EPHB2: variants seen among roughly 807,000 people sequenced by gnomAD.
EPHB2 encodes the protein EPH receptor B2, also known as ephrin type-B receptor 2.
In EPHB2, 18 loss-of-function variants were observed where a neutral mutation model predicts 96.4. The ratio of observed to expected loss-of-function variants is 0.19; its 90% CI spans 0.13 to 0.28. The LOEUF (loss-of-function observed/expected upper bound fraction) is 0.28, where lower values mean the gene tolerates loss of function less well. Among genes scored for constraint, EPHB2 ranks in the 10% least tolerant of loss-of-function variants. The pLI is 1.00. For missense variants in EPHB2, 989 were observed against 1,355.4 expected (o/e 0.73, Z 4.25); for synonymous variants, 506 against 534.1 (o/e 0.95, Z 0.72).
intron 1 of EPHB2, among the ~76,000 whole-genome samples, chr1:22,775,469 A>G (rs968260032): frequency 5.9e-5 from 9 of 152,260 alleles, no homozygotes; most frequent in African/African-American, 2.2e-4. Flanking sequence ...ACAGCCCACA[A>G]GGGGATCAGA....
At position 22,919,979 on chromosome 1, in the gene EPHB2, C is replaced by CA. The variant is rs537014830; in HGVS notation, c.*6419dup. ...GGGCCCTAGCATTTTTTTAAAAGCA[C>CA]AAAAAAAAAAGAGCAAGAAAGAGAG... On this transcript the variant is annotated 3_prime_UTR_variant, in exon 16 of 16. Coordinates refer to ENST00000374630, the MANE Select transcript of EPHB2 (RefSeq NM_017449.5). 333 of 144,190 alleles carry CA rather than the reference C, an allele frequency of 2.3e-3. 6 individuals are homozygous for CA. The East Asian group carries it at 0.042, about 18-fold the overall frequency. 8.9% of individuals were successfully genotyped at this position (144,190 alleles called of 1,614,324 possible).
intron 3 of EPHB2, among the ~76,000 whole-genome samples, chr1:22,809,948 A>C (rs546959508): frequency 1.3e-5 from 2 of 152,214 alleles, no homozygotes; most frequent in Non-Finnish European, 2.9e-5. Context: ...TTCTGAAGGT[A>C]GGGTAGGGCT....
chr1:22,785,009 G>T lies in EPHB2; in HGVS notation c.744G>T (p.Leu248=). Residue 248 remains leucine, a synonymous_variant, in exon 3 of 16, where the codon CTG becomes CTT. Transcript: ENST00000374630. ...ACTGTAACGGGGACGGCGAGTGGCTGGTGCCCATCGGGCGCTGCATGTGCA... is the reference window on the plus strand; with the variant it reads ...ACTGTAACGGGGACGGCGAGTGGCTTGTGCCCATCGGGCGCTGCATGTGCA... ...KLYCNGDGEW[L]VPIGRCMCKA... is the part of the protein sequence containing the mutation. The T allele has an allele frequency of 6.2e-7, 1 of 1,613,876 alleles. No individual in the cohort carries two copies. Among genetic ancestry groups the T allele is most frequent in the Non-Finnish European group, 8.5e-7 (1 of 1,180,058 alleles).
At chr1:22,787,473 G>A (rs1340537633) in intron 3 of EPHB2, among the ~76,000 whole-genome samples, 1 of 152,196 alleles carries the variant, frequency 6.6e-6, no homozygotes, top group Admixed American at 6.5e-5. Flanking sequence ...CAACAGATCA[G>A]GTATGGTGGC....
chr1:22,813,897 G>A (rs752965279), intron 3 of EPHB2, among the ~76,000 whole-genome samples: 7 of 152,164 alleles, frequency 4.6e-5, no homozygotes, highest in Non-Finnish European at 1.0e-4. Context: ...TCACATGGCT[G>A]GGCACAGTGA....
intron 1 of EPHB2, among the ~76,000 whole-genome samples, chr1:22,759,261 A>T (rs2148392083): frequency 6.6e-6 from 1 of 152,126 alleles, no homozygotes; most frequent in East Asian, 1.9e-4. Flanking sequence ...ACTGAACCCT[A>T]GTTATCTCAT....
At chr1:22,736,602 G>A (rs1419579356) in intron 1 of EPHB2, among the ~76,000 whole-genome samples, 1 of 152,200 alleles carries the variant, frequency 6.6e-6, no homozygotes, top group Non-Finnish European at 1.5e-5. Context: ...CCTGGAGGGG[G>A]CCCCTTCACA....
chr1:22,753,558 A>G (rs763169506), intron 1 of EPHB2, among the ~76,000 whole-genome samples: 18 of 152,142 alleles, frequency 1.2e-4, no homozygotes, highest in Non-Finnish European at 2.5e-4. Flanking sequence ...CCGAGTCGGA[A>G]GGGAAGGCAA....
chr1:22,713,716 A>G (rs1643219506), intron 1 of EPHB2, among the ~76,000 whole-genome samples: 1 of 152,272 alleles, frequency 6.6e-6, no homozygotes, highest in Admixed American at 6.5e-5. Context: ...CCACATGGCT[A>G]CCACTTCCTT....
At chr1:22,830,269 G>C (rs1645285108) in intron 3 of EPHB2, among the ~76,000 whole-genome samples, 1 of 152,196 alleles carries the variant, frequency 6.6e-6, no homozygotes, top group African/African-American at 2.4e-5. Flanking sequence ...GCTCTGAGGA[G>C]AGGGGCGGTT....
intron 1 of EPHB2, among the ~76,000 whole-genome samples, chr1:22,781,113 G>A (rs909040630): frequency 6.6e-6 from 1 of 152,036 alleles, no homozygotes; most frequent in Admixed American, 6.5e-5. Context: ...GAGGTCAGGA[G>A]ATCGAGACCG....
At chr1:22,819,527 A>G (rs1645123597) in intron 3 of EPHB2, among the ~76,000 whole-genome samples, 1 of 152,094 alleles carries the variant, frequency 6.6e-6, no homozygotes, top group Non-Finnish European at 1.5e-5. Flanking sequence ...CAAGTTATAA[A>G]TAAGTAAAGG....
At chr1:22,809,549 G>A (rs1644975053) in intron 3 of EPHB2, among the ~76,000 whole-genome samples, 1 of 152,110 alleles carries the variant, frequency 6.6e-6, no homozygotes, top group Non-Finnish European at 1.5e-5. Flanking sequence ...GATCCTTGTT[G>A]AATCCTCACC....
intron 1 of EPHB2, among the ~76,000 whole-genome samples, chr1:22,760,003 A>G: frequency 6.6e-6 from 1 of 152,146 alleles, no homozygotes; most frequent in East Asian, 1.9e-4. Context: ...TGTGCACTCT[A>G]TGGGTTCAAG....
intron 1 of EPHB2, among the ~76,000 whole-genome samples, chr1:22,742,811 T>C (rs1643920213): frequency 6.6e-6 from 1 of 151,906 alleles, no homozygotes; most frequent in South Asian, 2.1e-4. Flanking sequence ...TGCTTTGATG[T>C]CTTTCTGAGC....
Position 22,713,128 on chromosome 1 carries a change from T to C in EPHB2, c.61+2085T>C, listed in dbSNP as rs1290473234. ...CTTGGACTGCCACTTGGGGGCAGGG[T>C]GGGGAAGGGAAGCCACAGCAGGGTG... On this transcript the variant is annotated intron_variant, in intron 1 of 15. Coordinates refer to ENST00000374630, the MANE Select transcript of EPHB2 (RefSeq NM_017449.5). Among the ~76,000 whole-genome samples the C allele has an allele frequency of 2.0e-5, 3 of 151,878 alleles. No homozygotes were observed. In the East Asian group the frequency reaches 5.8e-4, roughly 29 times the overall value.
intron 3 of EPHB2, among the ~76,000 whole-genome samples, chr1:22,829,987 G>A (rs1302323381): frequency 6.6e-6 from 1 of 152,194 alleles, no homozygotes; most frequent in East Asian, 1.9e-4. Flanking sequence ...TGAGTGCCAG[G>A]CTAAGGAGGT....
At chr1:22,862,769 CA>C (rs764172379) in intron 3 of EPHB2, among the ~76,000 whole-genome samples, 5 of 152,238 alleles carry the variant, frequency 3.3e-5, no homozygotes, top group Admixed American at 2.0e-4. Flanking sequence ...TTCTAGAGAC[CA>C]TGACACAGCC....
At chr1:22,726,322 G>T (rs1021650075) in intron 1 of EPHB2, among the ~76,000 whole-genome samples, 1 of 151,420 alleles carries the variant, frequency 6.6e-6, no homozygotes, top group Non-Finnish European at 1.5e-5. Flanking sequence ...AGCCTCCACC[G>T]TTAAGTCCCC....
Sources: allele counts gnomAD v4.1 joint callset (sites outside exome capture counted in the v4.1 genomes callset), GRCh38; gene constraint gnomAD v4.1.1; transcripts MANE v1.5; gene names NCBI Gene and HGNC (gene_info 2026-07-23, HGNC 2026-07-21).